Variants in KIAA1671 observed in about 807,000 individuals in gnomAD.
KIAA1671 encodes the protein KIAA1671, also known as uncharacterized protein KIAA1671.
KIAA1671 carries 52 observed loss-of-function variants against 131.2 expected under a neutral mutation model. The ratio of observed to expected loss-of-function variants is 0.40; its 90% CI spans 0.32 to 0.50. The LOEUF is 0.50. Among genes scored for constraint, KIAA1671 ranks in the 20% least tolerant of loss-of-function variants. The pLI is 0.73. For missense variants in KIAA1671, 2,360 were observed against 2,364.2 expected (o/e 1.00, Z 0.04); for synonymous variants, 1,003 against 961.6 (o/e 1.04, Z -0.80).
intron 6 of KIAA1671, among the ~76,000 whole-genome samples, chr22:25,103,514 A>T (rs1930821497): frequency 6.6e-6 from 1 of 151,900 alleles, no homozygotes; most frequent in South Asian, 2.1e-4. Context: ...GCCTGCCACC[A>T]CGCCCAGCTA....
At chr22:24,985,122 T>C (rs1368216931) in intron 1 of KIAA1671, among the ~76,000 whole-genome samples, 1 of 152,102 alleles carries the variant, frequency 6.6e-6, no homozygotes, top group Non-Finnish European at 1.5e-5. Context: ...TTTCTTCTTA[T>C]TGGGAAGTAA....
At chr22:25,140,136 T>C (rs1331193076) in intron 6 of KIAA1671, among the ~76,000 whole-genome samples, 1 of 152,254 alleles carries the variant, frequency 6.6e-6, no homozygotes, top group African/African-American at 2.4e-5. Flanking sequence ...GGCTGCATTC[T>C]CAGCTGGAGG....
At chr22:25,166,916 G>A (rs141538186) in intron 6 of KIAA1671, among the ~76,000 whole-genome samples, 10 of 152,196 alleles carry the variant, frequency 6.6e-5, no homozygotes, top group African/African-American at 1.2e-4. Flanking sequence ...TTGCAGCCTC[G>A]GGACAACAAG....
At chr22:24,956,075 C>T (rs903720894) in intron 1 of KIAA1671, among the ~76,000 whole-genome samples, 32 of 151,856 alleles carry the variant, frequency 2.1e-4, no homozygotes, top group African/African-American at 6.3e-4. Context: ...GGTGAGAGAC[C>T]GCGGTGCGCG....
At position 25,033,574 on chromosome 22, in the gene KIAA1671, GTTTTTTTTTTT is replaced by G. The variant is rs71191019; in HGVS notation, c.1629+892_1629+902del. ...TTGTTTTTTTGGTTGGTTTGTTTTC[GTTTTTTTTTTT>G]TTTTTTTTTTTTTGATGGAGTCTCC... is the stretch of plus-strand genomic sequence containing the variant. On this transcript the variant is annotated intron_variant, in intron 4 of 12. Coordinates refer to ENST00000358431, the MANE Select transcript of KIAA1671 (RefSeq NM_001145206.2). Among the ~76,000 whole-genome samples the G allele has an allele frequency of 8.6e-5, 5 of 58,428 alleles. No individual in the cohort carries two copies. The East Asian group carries it at 2.4e-3, about 28-fold the overall frequency. 38.3% of individuals were successfully genotyped at this position (58,428 alleles called of 152,430 possible). A position where few individuals can be genotyped will look rare whatever the true frequency, so the allele number is the denominator to read the frequency against.
At chr22:25,076,962 C>A (rs1256708555) in intron 6 of KIAA1671, among the ~76,000 whole-genome samples, 1 of 152,160 alleles carries the variant, frequency 6.6e-6, no homozygotes. Flanking sequence ...CCTCCAAGGT[C>A]CCCGGCTAGG....
intron 6 of KIAA1671, among the ~76,000 whole-genome samples, chr22:25,160,311 T>TGGGTGGAGCCCACA: frequency 6.6e-6 from 1 of 152,104 alleles, no homozygotes; most frequent in Admixed American, 6.5e-5. Flanking sequence ...TGTGCCCCTG[T>TGGGTGGAGCCCACA]GGGTGGAGCC....
intron 8 of KIAA1671, 138 bp from the exon 9 acceptor site, chr22:25,177,210 A>T: frequency 1.3e-6 from 1 of 776,896 alleles, no homozygotes; most frequent in Non-Finnish European, 2.0e-6. Context: ...TACTATTAAA[A>T]TGTGGAAGCC....
chr22:25,130,044 C>T (rs997762961), intron 6 of KIAA1671, among the ~76,000 whole-genome samples: 1 of 152,154 alleles, frequency 6.6e-6, no homozygotes, highest in East Asian at 1.9e-4. Context: ...AGTTTGAGAC[C>T]AGCCTGGGCA....
intron 1 of KIAA1671, among the ~76,000 whole-genome samples, chr22:24,998,415 A>G (rs5760785): frequency 0.31 from 47,060 of 151,674 alleles, 7,543 homozygotes; most frequent in South Asian, 0.46. Context: ...CCTGTCTCAA[A>G]AAAATAAAAG....
intron 4 of KIAA1671, among the ~76,000 whole-genome samples, chr22:25,033,840 A>G (rs1926437273): frequency 6.6e-6 from 1 of 151,710 alleles, no homozygotes; most frequent in Non-Finnish European, 1.5e-5. Context: ...TCGGCCTCCC[A>G]AAGTGCTGAG....
At chr22:25,057,791 G>C (rs749146300) in intron 6 of KIAA1671, 1 of 152,260 alleles carries the variant, frequency 6.6e-6, no homozygotes, top group Non-Finnish European at 1.5e-5. Flanking sequence ...ACAGGCATGC[G>C]CCAGCATGCT....
chr22:25,158,072 C>T (rs1474184051), intron 6 of KIAA1671, among the ~76,000 whole-genome samples: 1 of 152,200 alleles, frequency 6.6e-6, no homozygotes, highest in African/African-American at 2.4e-5. Flanking sequence ...CCGCCTGCCT[C>T]GGCCTCCCAA....
chr22:25,079,805 G>T lies in KIAA1671; in HGVS notation c.4530+30441G>T, dbSNP rs1405144557. On this transcript the variant is annotated intron_variant, in intron 6 of 12. Transcript: ENST00000358431. ...GCTTGGGGACACCAGAGCCATGGGG[G>T]AGTGACCCTTTGAATAGGACTGACA... is the stretch of plus-strand genomic sequence containing the variant. Among the ~76,000 whole-genome samples, 3 of 152,130 alleles carry T rather than the reference G, an allele frequency of 2.0e-5. No homozygotes were observed. In the East Asian group the frequency reaches 5.8e-4, roughly 29 times the overall value.
At chr22:24,987,146 C>A (rs1923589160) in intron 1 of KIAA1671, among the ~76,000 whole-genome samples, 1 of 151,036 alleles carries the variant, frequency 6.6e-6, no homozygotes, top group African/African-American at 2.4e-5. Context: ...GATTTTTTTC[C>A]AATGATTTAT....
intron 6 of KIAA1671, among the ~76,000 whole-genome samples, chr22:25,095,798 T>C (rs1048639508): frequency 2.0e-5 from 3 of 152,266 alleles, no homozygotes; most frequent in African/African-American, 7.2e-5. Flanking sequence ...TGGTTCTGTT[T>C]CCTGATCCTT....
At chr22:25,026,438 G>A (rs1164988138) in intron 2 of KIAA1671, among the ~76,000 whole-genome samples, 1 of 152,138 alleles carries the variant, frequency 6.6e-6, no homozygotes, top group Non-Finnish European at 1.5e-5. Context: ...TTTTTAAAAA[G>A]ACAGAGCTGA....
At chr22:25,020,874 G>A (rs1261295266) in intron 1 of KIAA1671, among the ~76,000 whole-genome samples, 7 of 152,154 alleles carry the variant, frequency 4.6e-5, no homozygotes, top group South Asian at 4.1e-4. Flanking sequence ...CTGGGGAGAC[G>A]AAGAGGATCT....
intron 6 of KIAA1671, among the ~76,000 whole-genome samples, chr22:25,086,113 G>A (rs112128053): frequency 1.7e-3 from 252 of 152,300 alleles, no homozygotes; most frequent in African/African-American, 5.9e-3. Context: ...GCTTAGCAGA[G>A]GGCTGAGTAC....
Sources: allele counts gnomAD v4.1 joint callset (sites outside exome capture counted in the v4.1 genomes callset), GRCh38; gene constraint gnomAD v4.1.1; transcripts MANE v1.5; gene names NCBI Gene and HGNC (gene_info 2026-07-23, HGNC 2026-07-21).